TTC27: variants seen among roughly 807,000 people sequenced by gnomAD.
TTC27 encodes the protein tetratricopeptide repeat protein 27.
In TTC27, 79 loss-of-function variants were observed where a neutral mutation model predicts 115.9. The observed-to-expected ratio is 0.68, with a 90% CI of 0.57 to 0.82. TTC27 has a LOEUF of 0.82. Ranked by LOEUF, TTC27 falls within the 40% of genes least tolerant of loss-of-function variation. TTC27 has a pLI of 0.00. For missense variants in TTC27, 1,054 were observed against 993.1 expected (o/e 1.06, Z -0.82); for synonymous variants, 401 against 356.0 (o/e 1.13, Z -1.42).
chr2:32,817,511 T>A lies in TTC27; in HGVS notation c.2363T>A (p.Leu788His), dbSNP rs768231081. 1.4e-5 allele frequency: 22 copies of A among 1,614,160 alleles called. No individual in the cohort carries two copies. The South Asian group carries it at 2.4e-4, about 18-fold the overall frequency. The change falls in exon 19 of 20, where the codon CTT (leucine) becomes CAT (histidine). Residue 788 changes from leucine (L) to histidine (H), a missense_variant. Transcript: ENST00000317907. ...KSSSQEAVQM[L>H]SSVRLNLRGL... ...AGTTCCCAAGAAGCTGTACAAATGCTTTCTTCTGTTCGACTCAATTTACGG... is the reference window on the plus strand; with the variant it reads ...AGTTCCCAAGAAGCTGTACAAATGCATTCTTCTGTTCGACTCAATTTACGG...
At chr2:32,643,804 G>A (rs1664744031) in intron 4 of TTC27, among the ~76,000 whole-genome samples, 1 of 151,968 alleles carries the variant, frequency 6.6e-6, no homozygotes, top group African/African-American at 2.4e-5. Flanking sequence ...GGAGGCCAAG[G>A]CTGGCGGATC....
At chr2:32,795,844 G>C (rs572458596) in intron 16 of TTC27, among the ~76,000 whole-genome samples, 1 of 151,596 alleles carries the variant, frequency 6.6e-6, no homozygotes, top group African/African-American at 2.4e-5. Flanking sequence ...CTTCCAAACT[G>C]CTGGGATTAT....
intron 12 of TTC27, among the ~76,000 whole-genome samples, chr2:32,741,670 C>CAA (rs1255669719): frequency 4.0e-5 from 6 of 149,270 alleles, no homozygotes; most frequent in African/African-American, 1.5e-4. Context: ...AAAAACAAAA[C>CAA]AACAACAACA....
In TTC27 at chr2:32,736,800, C is replaced by T. The variant is rs759730569; in HGVS notation, c.1436C>T (p.Ala479Val). The change falls in exon 12 of 20, where the codon GCC becomes GTC. Residue 479 changes from alanine (A) to valine (V), a missense_variant. Coordinates refer to ENST00000317907, the MANE Select transcript of TTC27 (RefSeq NM_017735.5). ...GATGTTGTCATTTGTTATGAAAGAGCCGGGCAGCACGGAAAGGTATGTAAT... is the reference window on the plus strand; with the variant it reads ...GATGTTGTCATTTGTTATGAAAGAGTCGGGCAGCACGGAAAGGTATGTAAT... ...WEDVVICYER[A>V]GQHGKAEEIL... 4.3e-6 allele frequency: 7 copies of T among 1,613,678 alleles called. No homozygotes were observed. In the Admixed American group the frequency reaches 5.0e-5, roughly 12 times the overall value.
intron 14 of TTC27, among the ~76,000 whole-genome samples, chr2:32,780,850 GTTTT>G (rs141309612): frequency 7.0e-6 from 1 of 143,204 alleles, no homozygotes; most frequent in Admixed American, 6.9e-5. Context: ...TCTAGTAGGT[GTTTT>G]TTTTTTTTTT....
intron 12 of TTC27, among the ~76,000 whole-genome samples, chr2:32,737,417 A>G (rs898267015): frequency 6.6e-6 from 1 of 152,176 alleles, no homozygotes; most frequent in Non-Finnish European, 1.5e-5. Context: ...ACACATTGAA[A>G]TCATATGTTA....
At chr2:32,812,818 T>C (rs772467103) in intron 18 of TTC27, among the ~76,000 whole-genome samples, 12 of 152,222 alleles carry the variant, frequency 7.9e-5, no homozygotes, top group Non-Finnish European at 1.6e-4. Flanking sequence ...AGAAACAGGA[T>C]AGAGGCTTAT....
rs539603515 is a variant in TTC27, at chr2:32,636,490, G to C, written c.396+2485G>C. ...CGGCCTCCCAAAGTGTTAGGATTAT[G>C]GTGTGAGCCACTGCGCCTGGCCTTA... is the stretch of plus-strand genomic sequence containing the variant. On this transcript the variant is annotated intron_variant, in intron 3 of 19. Transcript: ENST00000317907. 1.6e-4 allele frequency among the ~76,000 whole-genome samples: 24 copies of C among 152,248 alleles called. No homozygotes were observed. In the South Asian group the frequency reaches 5.0e-3, roughly 32 times the overall value.
chr2:32,786,856 A>T (rs1670364248), intron 15 of TTC27, 128 bp from the exon 16 acceptor site: 2 of 832,676 alleles, frequency 2.4e-6, no homozygotes, highest in Non-Finnish European at 3.5e-6. Flanking sequence ...CTGGGTCTCT[A>T]ATTCTGTTTG....
chr2:32,660,229 C>G (rs565976382), intron 5 of TTC27, among the ~76,000 whole-genome samples: 2 of 152,132 alleles, frequency 1.3e-5, no homozygotes, highest in Non-Finnish European at 2.9e-5. Flanking sequence ...GAGATGGTAT[C>G]TCATTGTGGT....
chr2:32,770,586 T>G (rs1260297611), intron 13 of TTC27, among the ~76,000 whole-genome samples: 1 of 152,240 alleles, frequency 6.6e-6, no homozygotes, highest in Non-Finnish European at 1.5e-5. Context: ...AATGTAAGAT[T>G]GATGTTTGGG....
intron 10 of TTC27, among the ~76,000 whole-genome samples, chr2:32,705,366 C>A (rs1243184589): frequency 6.6e-6 from 1 of 152,132 alleles, no homozygotes; most frequent in Non-Finnish European, 1.5e-5. Context: ...CTCAGGTATT[C>A]CTTTACAGCA....
intron 4 of TTC27, among the ~76,000 whole-genome samples, chr2:32,642,598 A>G (rs769439185): frequency 1.3e-5 from 2 of 151,804 alleles, no homozygotes; most frequent in African/African-American, 4.8e-5. Flanking sequence ...TGGTGCCTCT[A>G]TTTGCAACTC....
chr2:32,639,227 A>C (rs1473180641), intron 3 of TTC27, among the ~76,000 whole-genome samples: 1 of 152,236 alleles, frequency 6.6e-6, no homozygotes, highest in Non-Finnish European at 1.5e-5. Flanking sequence ...TGAGAAGCAG[A>C]GAAAGGACAC....
intron 3 of TTC27, among the ~76,000 whole-genome samples, chr2:32,638,190 T>C (rs1664499216): frequency 6.6e-6 from 1 of 152,248 alleles, no homozygotes; most frequent in African/African-American, 2.4e-5. Context: ...AAAAACTTGA[T>C]AATATTTCAT....
intron 4 of TTC27, among the ~76,000 whole-genome samples, chr2:32,641,953 T>TCACACCATTCTCCTGCCTC (rs1664666948): frequency 6.6e-6 from 1 of 152,220 alleles, no homozygotes; most frequent in Non-Finnish European, 1.5e-5. Context: ...CCTCCTGGGT[T>TCACACCATTCTCCTGCCTC]CACACCATTC....
chr2:32,752,204 C>T (rs1175361283), intron 12 of TTC27, among the ~76,000 whole-genome samples: 4 of 152,198 alleles, frequency 2.6e-5, no homozygotes, highest in Admixed American at 1.3e-4. Flanking sequence ...CCAGCTTACA[C>T]GGAACATCTA....
chr2:32,670,841 A>C (rs1346270706), intron 7 of TTC27, among the ~76,000 whole-genome samples: 2 of 151,466 alleles, frequency 1.3e-5, no homozygotes. Flanking sequence ...CTGGTCTCGA[A>C]CTCCTGACCT....
chr2:32,812,666 C>T (rs1262340699), intron 18 of TTC27, 51 bp downstream of exon 18: 2 of 1,377,950 alleles, frequency 1.5e-6, no homozygotes, highest in Non-Finnish European at 2.1e-6. Flanking sequence ...TTATTTTCTA[C>T]TGACAGAAAA....
Sources: gnomAD v4.1 joint callset for allele counts (sites outside exome capture counted in the v4.1 genomes callset) on GRCh38, gnomAD v4.1.1 for gene constraint, MANE v1.5 for transcripts, NCBI Gene and HGNC (gene_info 2026-07-23, HGNC 2026-07-21) for gene names.